Variants in ADCY2 observed in about 807,000 individuals in gnomAD.
ADCY2 encodes adenylate cyclase type 2.
Under a neutral mutation model 125.2 loss-of-function variants are expected in ADCY2, and 31 were observed. The ratio of observed to expected loss-of-function variants is 0.25; its 90% confidence interval spans 0.19 to 0.33. The LOEUF (loss-of-function observed/expected upper bound fraction) is 0.33, where lower values mean the gene tolerates loss of function less well. Among genes scored for constraint, ADCY2 ranks in the 10% least tolerant of loss-of-function variants. The pLI is 1.00. For synonymous variants in ADCY2, 512 were observed against 548.4 expected (o/e 0.93, Z 0.93); for missense variants, 904 against 1,418.2 (o/e 0.64, Z 5.82).
intron 3 of ADCY2, among the ~76,000 whole-genome samples, chr5:7,525,491 C>G (rs1158990708): frequency 1.3e-5 from 2 of 152,126 alleles, no homozygotes; most frequent in Non-Finnish European, 2.9e-5. Flanking sequence ...AATCAACCCT[C>G]TCTGATTTTA....
At chr5:7,696,811 C>T (rs560846018) in intron 6 of ADCY2, among the ~76,000 whole-genome samples, 3 of 152,184 alleles carry the variant, frequency 2.0e-5, no homozygotes, top group Non-Finnish European at 2.9e-5. Flanking sequence ...GTAGTTCCAC[C>T]GACCATGACA....
At chr5:7,700,420 G>A (rs1376486906) in intron 7 of ADCY2, among the ~76,000 whole-genome samples, 1 of 151,642 alleles carries the variant, frequency 6.6e-6, no homozygotes, top group Non-Finnish European at 1.5e-5. Flanking sequence ...CCTTTTGTTT[G>A]CTGACTGCAT....
intron 3 of ADCY2, 144 bp downstream of exon 3, chr5:7,521,043 C>T: frequency 1.1e-6 from 1 of 910,976 alleles, no homozygotes; most frequent in Non-Finnish European, 1.6e-6. Flanking sequence ...CCCCCTATAA[C>T]ACTGAGGAGC....
intron 3 of ADCY2, among the ~76,000 whole-genome samples, chr5:7,554,737 A>G (rs1735450051): frequency 6.6e-6 from 1 of 152,204 alleles, no homozygotes; most frequent in Non-Finnish European, 1.5e-5. Context: ...GGCTCTGGCT[A>G]GAAATTCAAG....
At chr5:7,528,899 A>G (rs1368363398) in intron 3 of ADCY2, among the ~76,000 whole-genome samples, 2 of 152,218 alleles carry the variant, frequency 1.3e-5, no homozygotes, top group Non-Finnish European at 2.9e-5. Flanking sequence ...CCAGTAATCA[A>G]TCTTTGAAAC....
chr5:7,498,239 GTTTTT>G (rs910360437), intron 2 of ADCY2, among the ~76,000 whole-genome samples: 2 of 62,114 alleles, frequency 3.2e-5, no homozygotes, highest in Admixed American at 1.9e-4. Context: ...TTCTTTTTTC[GTTTTT>G]TTTTTTTTTT....
intron 11 of ADCY2, among the ~76,000 whole-genome samples, chr5:7,714,770 ACC>A (rs1741545553): frequency 6.6e-6 from 1 of 152,222 alleles, no homozygotes; most frequent in African/African-American, 2.4e-5. Context: ...AGTCAGACTT[ACC>A]CAGGATGCCC....
At chr5:7,797,606 G>GT (rs1286090622) in intron 20 of ADCY2, 1 of 152,288 alleles carries the variant, frequency 6.6e-6, no homozygotes, top group African/African-American at 2.4e-5. Flanking sequence ...GCACGTGTGT[G>GT]TGTAACAGGG....
chr5:7,711,424 ATTGG>A (rs1243170748), intron 10 of ADCY2, among the ~76,000 whole-genome samples: 1 of 152,176 alleles, frequency 6.6e-6, no homozygotes, highest in Non-Finnish European at 1.5e-5. Context: ...TACATCAGCA[ATTGG>A]TTGGTTGGTT....
intron 3 of ADCY2, among the ~76,000 whole-genome samples, chr5:7,561,864 C>T (rs1482177439): frequency 2.6e-5 from 4 of 152,174 alleles, no homozygotes; most frequent in Non-Finnish European, 5.9e-5. Context: ...TATTCAGATT[C>T]TCCAAGTTGC....
chr5:7,562,080 A>G (rs571384761), intron 3 of ADCY2, among the ~76,000 whole-genome samples: 10 of 152,240 alleles, frequency 6.6e-5, no homozygotes, highest in African/African-American at 2.2e-4. Context: ...GAATGGGTTT[A>G]TAATTTTCTA....
intron 2 of ADCY2, among the ~76,000 whole-genome samples, chr5:7,440,221 G>C (rs958161336): frequency 1.3e-5 from 2 of 152,090 alleles, no homozygotes; most frequent in South Asian, 4.1e-4. Flanking sequence ...TGAGGATTTC[G>C]TCATGCATTA....
intron 3 of ADCY2, among the ~76,000 whole-genome samples, chr5:7,549,351 G>T (rs1735252245): frequency 6.6e-6 from 1 of 152,180 alleles, no homozygotes; most frequent in Admixed American, 6.5e-5. Context: ...GAAGGGAGAT[G>T]GCAGAATCCT....
At chr5:7,455,354 C>G (rs1010321469) in intron 2 of ADCY2, among the ~76,000 whole-genome samples, 1 of 152,146 alleles carries the variant, frequency 6.6e-6, no homozygotes, top group Admixed American at 6.6e-5. Flanking sequence ...AGTGATCACA[C>G]ACTCTTCCAC....
At chr5:7,547,368 C>CTGGGTGGCA (rs1342067057) in intron 3 of ADCY2, among the ~76,000 whole-genome samples, 1 of 152,140 alleles carries the variant, frequency 6.6e-6, no homozygotes, top group African/African-American at 2.4e-5. Flanking sequence ...AGCACCAGGC[C>CTGGGTGGCA]TGGGTGGCAT....
intron 15 of ADCY2, among the ~76,000 whole-genome samples, chr5:7,750,257 T>A (rs1742763091): frequency 6.6e-6 from 1 of 152,184 alleles, no homozygotes; most frequent in South Asian, 2.1e-4. Flanking sequence ...GGAACTTATA[T>A]ACTCTAGTTT....
intron 2 of ADCY2, among the ~76,000 whole-genome samples, chr5:7,504,617 C>CTTTT (rs563915228): frequency 7.2e-6 from 1 of 138,042 alleles, no homozygotes; most frequent in African/African-American, 2.7e-5. Context: ...TTTTTTCTTT[C>CTTTT]TTTTTTTTTT....
At chr5:7,480,201 G>A (rs1742677391) in intron 2 of ADCY2, among the ~76,000 whole-genome samples, 1 of 152,146 alleles carries the variant, frequency 6.6e-6, no homozygotes, top group Non-Finnish European at 1.5e-5. Flanking sequence ...GGAAGACAGT[G>A]TGGTGATTCC....
At chr5:7,590,086 G>A (rs144504915) in intron 3 of ADCY2, among the ~76,000 whole-genome samples, 236 of 152,226 alleles carry the variant, frequency 1.6e-3, no homozygotes, top group African/African-American at 5.4e-3. Context: ...GGCTCCGTCT[G>A]CTAAAACCAA....
Sources: allele counts gnomAD v4.1 joint callset (sites outside exome capture counted in the v4.1 genomes callset), GRCh38; gene constraint gnomAD v4.1.1; transcripts MANE v1.5; gene names NCBI Gene and HGNC (gene_info 2026-07-23, HGNC 2026-07-21).